The following FOXP2 variants were observed in gnomAD, a reference collection of about 807,000 sequenced individuals.
FOXP2 encodes the protein forkhead box P2, also known as forkhead box protein P2.
In FOXP2, 12 loss-of-function variants were observed where a neutral mutation model predicts 115.8. That is an observed-to-expected ratio of 0.10 (90% CI 0.07 to 0.17). The LOEUF (loss-of-function observed/expected upper bound fraction) is 0.17, where lower values mean the gene tolerates loss of function less well. Ranked by LOEUF, FOXP2 falls within the 10% of genes least tolerant of loss-of-function variation. The pLI, the probability that FOXP2 is intolerant of heterozygous loss-of-function variation, is 1.00. For missense variants in FOXP2, 629 were observed against 843.5 expected (o/e 0.75, Z 3.15); for synonymous variants, 328 against 297.7 (o/e 1.10, Z -1.05).
intron 2 of FOXP2, among the ~76,000 whole-genome samples, chr7:114,378,137 A>G (rs1476560565): frequency 1.3e-5 from 2 of 152,148 alleles, no homozygotes; most frequent in Non-Finnish European, 2.9e-5. Flanking sequence ...ATTGTTTGAT[A>G]ACTCTTCACT....
chr7:114,404,217 C>T (rs1033465456), intron 2 of FOXP2, among the ~76,000 whole-genome samples: 9 of 151,970 alleles, frequency 5.9e-5, no homozygotes, highest in African/African-American at 2.2e-4. Context: ...AAGGTTTAGT[C>T]TAGTTGACTT....
chr7:114,554,971 T>C (rs1800388355), intron 3 of FOXP2, among the ~76,000 whole-genome samples: 1 of 152,180 alleles, frequency 6.6e-6, no homozygotes, highest in Non-Finnish European at 1.5e-5. Flanking sequence ...CTAGGCTCTT[T>C]AATGACAAGT....
At chr7:114,551,223 A>G (rs1800190333) in intron 3 of FOXP2, among the ~76,000 whole-genome samples, 1 of 152,228 alleles carries the variant, frequency 6.6e-6, no homozygotes, top group Admixed American at 6.5e-5. Context: ...AATCCATCAA[A>G]GAAACATGAC....
At chr7:114,516,438 A>T (rs1243929573) in intron 2 of FOXP2, among the ~76,000 whole-genome samples, 1 of 152,150 alleles carries the variant, frequency 6.6e-6, no homozygotes, top group Non-Finnish European at 1.5e-5. Context: ...GAAACGTTAC[A>T]CCTAAAACCA....
intron 3 of FOXP2, among the ~76,000 whole-genome samples, chr7:114,621,614 T>A (rs1031263595): frequency 6.6e-6 from 1 of 152,026 alleles, no homozygotes; most frequent in Non-Finnish European, 1.5e-5. Context: ...CAACTCCAAG[T>A]GCAGTGAGAG....
At chr7:114,302,335 A>G (rs1213551850) in intron 2 of FOXP2, among the ~76,000 whole-genome samples, 3 of 152,132 alleles carry the variant, frequency 2.0e-5, no homozygotes, top group African/African-American at 7.2e-5. Flanking sequence ...GGTTTTATAA[A>G]TTTATATATA....
chr7:114,692,464 T>A lies in FOXP2; in HGVS notation c.*2538T>A, dbSNP rs1281996630. 2 of 452,110 alleles carry A rather than the reference T, an allele frequency of 4.4e-6. No homozygotes were observed. Among genetic ancestry groups the A allele is most frequent in the Non-Finnish European group, 8.8e-6 (2 of 226,268 alleles). The allele number at this position is 452,110 out of a possible 1,614,324, so 28.0% of individuals were successfully genotyped here. ...CTGAAATGCTTGGTCTGTATTTTGA[T>A]AATTGTGCATATTATGTAAAAATGT... On this transcript the variant is annotated 3_prime_UTR_variant, in exon 17 of 17. Coordinates refer to ENST00000350908, the MANE Select transcript of FOXP2 (RefSeq NM_014491.4).
At chr7:114,684,661 A>G (rs1422236039) in intron 16 of FOXP2, among the ~76,000 whole-genome samples, 1 of 152,204 alleles carries the variant, frequency 6.6e-6, no homozygotes, top group Non-Finnish European at 1.5e-5. Context: ...AGAGTTTAGC[A>G]TTCTCTAAAA....
At position 114,662,193 on chromosome 7, in the gene FOXP2, T is replaced by C. The variant is rs1299072677; in HGVS notation, c.1769+7T>C. On this transcript the variant is annotated splice_region_variant and intron_variant, in intron 14 of 16. Transcript: ENST00000350908. ...GGTCACAAAAGATAACAGGGTATGT[T>C]TGTGATAGTTTTGTAATCCTGTATC... is the stretch of plus-strand genomic sequence containing the variant. 1 of 1,612,172 alleles carries C rather than the reference T, an allele frequency of 6.2e-7. No individual in the cohort carries two copies. Among genetic ancestry groups the C allele is most frequent in the East Asian group, 2.2e-5 (1 of 44,788 alleles).
At chr7:114,461,579 T>C (rs991227174) in intron 2 of FOXP2, among the ~76,000 whole-genome samples, 17 of 152,184 alleles carry the variant, frequency 1.1e-4, no homozygotes, top group African/African-American at 2.9e-4. Context: ...GTTTGTATTA[T>C]TTCTCATGAG....
intron 1 of FOXP2, among the ~76,000 whole-genome samples, chr7:114,259,889 T>TTTG (rs980567274): frequency 2.6e-5 from 4 of 151,968 alleles, no homozygotes; most frequent in Non-Finnish European, 1.5e-5. Flanking sequence ...AATGTATATT[T>TTTG]TTGTTGTTGT....
intron 1 of FOXP2, among the ~76,000 whole-genome samples, chr7:114,221,074 T>G (rs1322644043): frequency 6.6e-6 from 1 of 152,168 alleles, no homozygotes; most frequent in African/African-American, 2.4e-5. Context: ...CAAACAGTAT[T>G]TTAAATATCT....
At chr7:114,317,195 G>A (rs1797297343) in intron 2 of FOXP2, among the ~76,000 whole-genome samples, 1 of 152,152 alleles carries the variant, frequency 6.6e-6, no homozygotes, top group Non-Finnish European at 1.5e-5. Context: ...TGAGATTTCT[G>A]TGATTTTCCC....
intron 1 of FOXP2, among the ~76,000 whole-genome samples, chr7:114,424,114 T>A (rs949988015): frequency 2.6e-5 from 4 of 151,482 alleles, no homozygotes; most frequent in African/African-American, 9.7e-5. Context: ...TAAAAGGAAT[T>A]ATAAGTTATT....
intron 16 of FOXP2, chr7:114,664,986 T>C (rs1173650642): frequency 6.4e-6 from 1 of 156,040 alleles, no homozygotes; most frequent in African/African-American, 2.4e-5. Context: ...GGTGCGTCTG[T>C]ATTGGCAAGG....
At chr7:114,548,396 G>A (rs114386693) in intron 3 of FOXP2, among the ~76,000 whole-genome samples, 398 of 152,244 alleles carry the variant, frequency 2.6e-3, no homozygotes, top group African/African-American at 7.8e-3. Context: ...TTTTGGTAGA[G>A]AAAAATAGAA....
rs376120800 is a variant in FOXP2, at chr7:114,613,674, CA to C, written c.259-14852del. 767 of 90,996 alleles carry C rather than the reference CA, an allele frequency of 8.4e-3. 4 individuals carry two copies. Among genetic ancestry groups the C allele is most frequent in the African/African-American group, 0.016 (382 of 24,094 alleles). The allele number at this position is 90,996 out of a possible 1,614,324, so 5.6% of individuals were successfully genotyped here. A position where few individuals can be genotyped will look rare whatever the true frequency, so the allele number is the denominator to read the frequency against. On this transcript the variant is annotated intron_variant, in intron 3 of 16. Coordinates refer to ENST00000350908, the MANE Select transcript of FOXP2 (RefSeq NM_014491.4). ...TGGGCGACAGAGCAAGATTCCGTCTCAAAAAAAAAAAAAATGTATATATATA... is the reference window on the plus strand; with the variant it reads ...TGGGCGACAGAGCAAGATTCCGTCTCAAAAAAAAAAAAATGTATATATATA...
chr7:114,492,716 G>A (rs1051092868), intron 2 of FOXP2, among the ~76,000 whole-genome samples: 18 of 152,134 alleles, frequency 1.2e-4, no homozygotes, highest in Admixed American at 1.0e-3. Context: ...ATGCAGTTGA[G>A]CAGTTTTGAG....
At chr7:114,508,124 A>G (rs1300455525) in intron 2 of FOXP2, among the ~76,000 whole-genome samples, 3 of 152,060 alleles carry the variant, frequency 2.0e-5, no homozygotes, top group Non-Finnish European at 4.4e-5. Flanking sequence ...TAATTAAAGT[A>G]TTAATTTAAA....
Sources: allele counts gnomAD v4.1 joint callset (sites outside exome capture counted in the v4.1 genomes callset), GRCh38; gene constraint gnomAD v4.1.1; transcripts MANE v1.5; gene names NCBI Gene and HGNC (gene_info 2026-07-23, HGNC 2026-07-21).